Variants in LMX1A observed in about 807,000 individuals in gnomAD.
LMX1A encodes LIM homeobox transcription factor 1-alpha.
Under a neutral mutation model 49.1 loss-of-function variants are expected in LMX1A, and 15 were observed. The ratio of observed to expected loss-of-function variants is 0.31; its 90% CI spans 0.20 to 0.47. The LOEUF (loss-of-function observed/expected upper bound fraction) is 0.47. Among genes scored for constraint, LMX1A ranks in the 20% least tolerant of loss-of-function variants. LMX1A has a pLI of 1.00. For synonymous variants in LMX1A, 167 were observed against 185.7 expected (o/e 0.90, Z 0.82); for missense variants, 372 against 475.8 (o/e 0.78, Z 2.03).
chr1:165,270,305 C>A (rs964102714), intron 3 of LMX1A, among the ~76,000 whole-genome samples: 1 of 152,110 alleles, frequency 6.6e-6, no homozygotes, highest in African/African-American at 2.4e-5. Context: ...TCATACCCCC[C>A]ATAAAATCAT....
intron 3 of LMX1A, among the ~76,000 whole-genome samples, chr1:165,252,437 G>T (rs2102640635): frequency 6.6e-6 from 1 of 152,258 alleles, no homozygotes. Flanking sequence ...ATTGCTTGAT[G>T]ATACCATAAT....
intron 7 of LMX1A, chr1:165,207,590 A>T (rs1161628211): frequency 6.5e-6 from 1 of 153,514 alleles, no homozygotes; most frequent in Non-Finnish European, 1.5e-5. Flanking sequence ...GTAAAAGTCA[A>T]GTCAGCATGT....
At chr1:165,260,914 T>C (rs1005692039) in intron 3 of LMX1A, among the ~76,000 whole-genome samples, 1 of 152,190 alleles carries the variant, frequency 6.6e-6, no homozygotes, top group African/African-American at 2.4e-5. Flanking sequence ...AGTTCAAGGA[T>C]CTCAAAGCAC....
chr1:165,285,852 G>T (rs1238110128), intron 3 of LMX1A, among the ~76,000 whole-genome samples: 1 of 152,196 alleles, frequency 6.6e-6, no homozygotes, highest in Non-Finnish European at 1.5e-5. Context: ...GAGGAAGGAC[G>T]GGGGCTATGA....
chr1:165,245,773 A>G (rs1047826310), intron 4 of LMX1A, among the ~76,000 whole-genome samples: 3 of 152,104 alleles, frequency 2.0e-5, no homozygotes, highest in Admixed American at 6.5e-5. Context: ...GCACTATTTC[A>G]TACAATTACA....
chr1:165,314,735 A>T lies in LMX1A; in HGVS notation c.263+38341T>A, dbSNP rs151073569. 2.3e-3 allele frequency among the ~76,000 whole-genome samples: 352 copies of T among 152,266 alleles called. 1 individual carries two copies. The highest frequency in any genetic ancestry group is 7.8e-3 in the African/African-American group (322 of 41,542). ...CACATCCACAAGATTTCTAGGGTCC[A>T]GCATCTCTCTTTAAGCAAAACTAGC... On this transcript the variant is annotated intron_variant, in intron 3 of 8. Coordinates refer to ENST00000342310, the MANE Select transcript of LMX1A (RefSeq NM_177398.4).
rs556204777 is a variant in LMX1A, at chr1:165,355,532, TCTC to T, written c.25_27del (p.Glu9del). 6.2e-6 allele frequency: 10 copies of T among 1,613,742 alleles called. No individual in the cohort carries two copies. The African/African-American group carries it at 1.2e-4, about 19-fold the overall frequency. On this transcript the variant is annotated inframe_deletion, in exon 2 of 9. Transcript: ENST00000342310. The surrounding 1 kb of genome is among the most constrained non-coding windows in gnomAD (Gnocchi z 4.7). Reference sequence around the variant, plus strand: ...GAGGTGTCGATCGCGCTTTGGAAGTTCTCCTCCATCTTTAGGCCGTCCAGCATG... The same window carrying T: ...GAGGTGTCGATCGCGCTTTGGAAGTTCTCCATCTTTAGGCCGTCCAGCATG...
chr1:165,203,749 C>T lies in LMX1A; in HGVS notation c.*131G>A. On this transcript the variant is annotated 3_prime_UTR_variant, in exon 9 of 9. Transcript: ENST00000342310. ...TGCTGAGCTACACCATATCATTATA[C>T]AACAGCATCCCCAACAAAACTCCCT... 1.4e-6 allele frequency: 1 copy of T among 701,476 alleles called. No homozygotes were observed. Among genetic ancestry groups the T allele is most frequent in the East Asian group, 2.5e-5 (1 of 39,284 alleles). The allele number at this position is 701,476 out of a possible 1,614,324, so 43.5% of individuals were successfully genotyped here.
At chr1:165,274,035 C>T (rs1426335366) in intron 3 of LMX1A, among the ~76,000 whole-genome samples, 1 of 152,212 alleles carries the variant, frequency 6.6e-6, no homozygotes, top group Non-Finnish European at 1.5e-5. Context: ...TAATTGTCAT[C>T]CCCACTTTAC....
chr1:165,256,159 G>A (rs759269298), intron 3 of LMX1A, among the ~76,000 whole-genome samples: 5 of 152,104 alleles, frequency 3.3e-5, no homozygotes, highest in Non-Finnish European at 7.3e-5. Context: ...AGCCGTGGGC[G>A]TCTCTCCCTC....
intron 2 of LMX1A, among the ~76,000 whole-genome samples, chr1:165,353,865 T>G (rs1456260565): frequency 6.6e-6 from 1 of 152,072 alleles, no homozygotes; most frequent in Non-Finnish European, 1.5e-5. Context: ...ATATTGCACA[T>G]GGGTTTTTGA....
At chr1:165,221,599 A>T (rs991322780) in intron 4 of LMX1A, among the ~76,000 whole-genome samples, 1 of 152,162 alleles carries the variant, frequency 6.6e-6, no homozygotes, top group Non-Finnish European at 1.5e-5. Context: ...TTTCTGGGCC[A>T]GGCAGGGGGA....
intron 6 of LMX1A, among the ~76,000 whole-genome samples, 188 bp from the exon 7 acceptor site, chr1:165,208,320 A>G (rs574368759): frequency 1.3e-4 from 20 of 152,166 alleles, no homozygotes; most frequent in African/African-American, 4.8e-4. Flanking sequence ...GAGCTCTTCC[A>G]CTCTGCAGCA....
chr1:165,349,612 T>C (rs1475067866), intron 3 of LMX1A, among the ~76,000 whole-genome samples: 1 of 145,598 alleles, frequency 6.9e-6, no homozygotes, highest in East Asian at 1.9e-4. Context: ...ACTCTCACCT[T>C]AAATGCTTTT....
chr1:165,226,460 G>A (rs1652038534), intron 4 of LMX1A, among the ~76,000 whole-genome samples: 1 of 152,206 alleles, frequency 6.6e-6, no homozygotes. Context: ...CAGTGTCCTA[G>A]ATCAAGTCTT....
At chr1:165,333,920 G>T (rs1207923412) in intron 3 of LMX1A, among the ~76,000 whole-genome samples, 1 of 152,128 alleles carries the variant, frequency 6.6e-6, no homozygotes, top group Admixed American at 6.5e-5. Context: ...ACAGCTGTAT[G>T]GCTTTCTACA....
At chr1:165,262,405 GA>G (rs1653470442) in intron 3 of LMX1A, among the ~76,000 whole-genome samples, 1 of 152,206 alleles carries the variant, frequency 6.6e-6, no homozygotes, top group African/African-American at 2.4e-5. Context: ...AAAGAAGAAA[GA>G]AGCCTGAATT....
At chr1:165,266,372 C>T (rs988427818) in intron 3 of LMX1A, among the ~76,000 whole-genome samples, 3 of 152,072 alleles carry the variant, frequency 2.0e-5, no homozygotes, top group Admixed American at 2.0e-4. Context: ...AGGACCAGCA[C>T]TTTGGACAAA....
At chr1:165,261,173 C>T (rs1653427854) in intron 3 of LMX1A, among the ~76,000 whole-genome samples, 1 of 152,176 alleles carries the variant, frequency 6.6e-6, no homozygotes, top group African/African-American at 2.4e-5. Context: ...CTTCAGATGT[C>T]TCGAGAACCC....
Sources: allele counts gnomAD v4.1 joint callset (sites outside exome capture counted in the v4.1 genomes callset), GRCh38; gene constraint gnomAD v4.1.1; non-coding constraint Gnocchi (gnomAD v3.1); transcripts MANE v1.5; gene names NCBI Gene and HGNC (gene_info 2026-07-23, HGNC 2026-07-21).